Variants in RTF2 observed in about 807,000 individuals in gnomAD.
RTF2 encodes UPF0549 protein C20orf43.
Under a neutral mutation model 38.0 loss-of-function variants are expected in RTF2, and 18 were observed. The observed-to-expected ratio is 0.47, with a 90% CI of 0.33 to 0.70. RTF2 has a LOEUF of 0.70. RTF2 is among the 30% of genes least tolerant of loss of function. The pLI is 0.02. For synonymous variants in RTF2, 126 were observed against 137.1 expected (o/e 0.92, Z 0.57); for missense variants, 311 against 379.6 (o/e 0.82, Z 1.50).
At chr20:56,517,085 C>T (rs1455584895) in intron 7 of RTF2, 21 bp from the exon 8 acceptor site, 1 of 1,613,078 alleles carries the variant, frequency 6.2e-7, no homozygotes, top group African/African-American at 1.3e-5. Flanking sequence ...TTTTGCTTTG[C>T]CTACTTTGTT....
chr20:56,515,595 GAGAGACACACACACACACACACAC>G (rs1181113442), intron 6 of RTF2: 98 of 100,672 alleles, frequency 9.7e-4, no homozygotes, highest in Admixed American at 4.6e-3. Flanking sequence ...GAGAGAGAGA[GAGAGACACACACACACACACACAC>G]ACACACACAC....
chr20:56,511,980 G>A (rs960213066), intron 5 of RTF2, among the ~76,000 whole-genome samples: 2 of 152,072 alleles, frequency 1.3e-5, no homozygotes, highest in African/African-American at 4.8e-5. Flanking sequence ...CTACAGGCAT[G>A]TACCACCACA....
rs1268566992 is a variant in RTF2 at position 56,518,309 on chromosome 20, T to C, written c.*44T>C. Reference sequence around the variant, plus strand: ...TCCTGCCCCAGAAGGTTGTTTAGTTTCCACGTAGGCAGGTCGCTTTGTGCC... The same window carrying C: ...TCCTGCCCCAGAAGGTTGTTTAGTTCCCACGTAGGCAGGTCGCTTTGTGCC... On this transcript the variant is annotated 3_prime_UTR_variant, in exon 9 of 9. Coordinates refer to ENST00000357348, the MANE Select transcript of RTF2 (RefSeq NM_016407.5). The C allele has an allele frequency of 6.3e-7, 1 of 1,578,684 alleles. No individual in the cohort carries two copies. Among genetic ancestry groups the C allele is most frequent in the South Asian group, 1.2e-5 (1 of 86,344 alleles).
chr20:56,475,263 A>G (rs188598333), intron 3 of RTF2, among the ~76,000 whole-genome samples: 9 of 152,196 alleles, frequency 5.9e-5, no homozygotes, highest in Admixed American at 6.5e-5. Context: ...CAGTGGGGAA[A>G]AAAACTTGGA....
intron 5 of RTF2, among the ~76,000 whole-genome samples, chr20:56,500,345 C>T (rs558214786): frequency 4.0e-4 from 61 of 152,342 alleles, no homozygotes; most frequent in Non-Finnish European, 6.8e-4. Flanking sequence ...TGAGCCACCT[C>T]GCCCAGCTAG....
Position 56,511,702 on chromosome 20 carries a change from A to G in RTF2, c.478-1613A>G, listed in dbSNP as rs564216501. ...CCTGGCCTCTACCCACAAGATGCCA[A>G]TAGCACCTGCACCCCAGATGTGACA... is the stretch of plus-strand genomic sequence containing the variant. On this transcript the variant is annotated intron_variant, in intron 5 of 8. Transcript: ENST00000357348. Among the ~76,000 whole-genome samples the G allele has an allele frequency of 1.1e-4, 17 of 152,266 alleles. No homozygotes were observed. In the South Asian group the frequency reaches 3.3e-3, roughly 30 times the overall value.
chr20:56,494,237 A>T (rs577630786), intron 5 of RTF2, among the ~76,000 whole-genome samples: 1 of 152,350 alleles, frequency 6.6e-6, no homozygotes, highest in East Asian at 1.9e-4. Flanking sequence ...TAGTGATGTT[A>T]AGAACTTTCT....
At chr20:56,515,020 C>T (rs6069768) in intron 6 of RTF2, among the ~76,000 whole-genome samples, 3 of 150,366 alleles carry the variant, frequency 2.0e-5, no homozygotes, top group Admixed American at 6.6e-5. Context: ...GCACTCCAGC[C>T]TGACAGACTC....
intron 5 of RTF2, among the ~76,000 whole-genome samples, chr20:56,498,045 A>G (rs1983672535): frequency 6.6e-6 from 1 of 152,176 alleles, no homozygotes. Context: ...AGTTCCCTGT[A>G]GTTTTACTTT....
chr20:56,473,413 A>T lies in RTF2; in HGVS notation c.164+18A>T, dbSNP rs779361056. 6.5e-7 allele frequency: 1 copy of T among 1,530,410 alleles called. No individual in the cohort carries two copies. The highest frequency in any genetic ancestry group is 1.1e-5 in the South Asian group (1 of 88,546). The allele number at this position is 1,530,410 out of a possible 1,614,324, so 94.8% of individuals were successfully genotyped here. On this transcript the variant is annotated intron_variant, in intron 2 of 8. Coordinates refer to ENST00000357348, the MANE Select transcript of RTF2 (RefSeq NM_016407.5). ...CTTGGCAGGTATGGTTTTTACACTT[A>T]ATCAAGATGAGTTTGTTAAGTGATT...
intron 4 of RTF2, among the ~76,000 whole-genome samples, chr20:56,481,333 C>T (rs1345455596): frequency 3.3e-5 from 5 of 152,174 alleles, no homozygotes; most frequent in African/African-American, 1.2e-4. Context: ...TGTGCCAGGC[C>T]GTGTTGCGTG....
intron 5 of RTF2, among the ~76,000 whole-genome samples, chr20:56,499,172 T>C (rs1280901006): frequency 6.6e-6 from 1 of 152,080 alleles, no homozygotes; most frequent in African/African-American, 2.4e-5. Flanking sequence ...AAAGACATTC[T>C]TATAAATTAT....
chr20:56,493,772 A>G (rs1983329230), intron 5 of RTF2, among the ~76,000 whole-genome samples: 1 of 152,166 alleles, frequency 6.6e-6, no homozygotes, highest in South Asian at 2.1e-4. Context: ...TGCCATTTAG[A>G]CACAGATGAA....
chr20:56,479,818 C>CTTTTTTT (rs56227133), intron 4 of RTF2, among the ~76,000 whole-genome samples: 1 of 142,394 alleles, frequency 7.0e-6, no homozygotes, highest in Non-Finnish European at 1.5e-5. Flanking sequence ...TGAAAGGAAT[C>CTTTTTTT]TTTTTTTTTT....
chr20:56,485,745 T>C (rs1278043847), intron 5 of RTF2, among the ~76,000 whole-genome samples: 6 of 152,208 alleles, frequency 3.9e-5, no homozygotes, highest in East Asian at 1.9e-4. Context: ...GAAGTATTTA[T>C]TGTGGCTCCC....
At chr20:56,482,970 A>G (rs946070516) in intron 4 of RTF2, among the ~76,000 whole-genome samples, 1 of 152,200 alleles carries the variant, frequency 6.6e-6, no homozygotes, top group Non-Finnish European at 1.5e-5. Context: ...GGGTCACATT[A>G]TATGTATTTA....
In RTF2 at chr20:56,513,654, G is replaced by T. The variant is rs528603029; in HGVS notation, c.591+226G>T. The T allele has an allele frequency of 2.1e-4, 93 of 443,118 alleles. 3 individuals are homozygous for T. In the South Asian group the frequency reaches 2.2e-3, roughly 11 times the overall value. 27.4% of individuals were successfully genotyped at this position (443,118 alleles called of 1,614,324 possible). Reference sequence around the variant, plus strand: ...TTCCCCGCCGAGCTTTCTCATCAGTGAAGTGGGGTAGTGACAGCATGCGAG... The same window carrying T: ...TTCCCCGCCGAGCTTTCTCATCAGTTAAGTGGGGTAGTGACAGCATGCGAG... On this transcript the variant is annotated intron_variant, in intron 6 of 8. Transcript: ENST00000357348.
At chr20:56,501,122 C>A (rs965691314) in intron 5 of RTF2, among the ~76,000 whole-genome samples, 3 of 152,126 alleles carry the variant, frequency 2.0e-5, no homozygotes, top group African/African-American at 7.2e-5. Context: ...TTGGAGATCT[C>A]ACTGCTGTTG....
At chr20:56,516,158 T>G (rs1985032368) in intron 6 of RTF2, 1 of 152,254 alleles carries the variant, frequency 6.6e-6, no homozygotes, top group Non-Finnish European at 1.5e-5. Flanking sequence ...AGGTCTTTCT[T>G]TAATGCTCAG....
Sources: gnomAD v4.1 joint callset for allele counts (sites outside exome capture counted in the v4.1 genomes callset) on GRCh38, gnomAD v4.1.1 for gene constraint, MANE v1.5 for transcripts, NCBI Gene and HGNC (gene_info 2026-07-23, HGNC 2026-07-21) for gene names.